Variants in CALD1 observed in about 807,000 individuals in gnomAD.
CALD1 encodes the protein caldesmon 1.
In CALD1, 33 loss-of-function variants were observed where a neutral mutation model predicts 99.9. That is an observed-to-expected ratio of 0.33 (90% CI 0.25 to 0.44). CALD1 has a LOEUF of 0.44. Among genes scored for constraint, CALD1 ranks in the 20% least tolerant of loss-of-function variants. CALD1 has a pLI of 1.00. For synonymous variants in CALD1, 310 were observed against 325.0 expected (o/e 0.95, Z 0.50); for missense variants, 861 against 962.1 (o/e 0.89, Z 1.39).
At chr7:134,941,048 G>T (rs753471853) in intron 6 of CALD1, 44 bp from the exon 7 acceptor site, 1 of 1,537,396 alleles carries the variant, frequency 6.5e-7, no homozygotes, top group East Asian at 2.3e-5. Context: ...AACCTAATAA[G>T]ATTTTTCTTG....
At chr7:134,941,261 A>G (rs773033303) in intron 7 of CALD1, 24 bp downstream of exon 7, 13 of 1,559,202 alleles carry the variant, frequency 8.3e-6, no homozygotes, top group African/African-American at 4.2e-5. Flanking sequence ...ACTAGTTAAT[A>G]GAAACTGTGT....
In CALD1 at chr7:134,933,554, A is replaced by T; in HGVS notation, c.785A>T (p.Lys262Met). ...CATGAAAAGATGGAAGAGGAAGACAAGGAAAGAGCTGAGGCAGAGAGGGCA... is the reference window on the plus strand; with the variant it reads ...CATGAAAAGATGGAAGAGGAAGACATGGAAAGAGCTGAGGCAGAGAGGGCA... ...SHHEKMEEED[K>M]ERAEAERARL... The change falls in exon 5 of 15, where the codon AAG (lysine) becomes ATG (methionine). Residue 262 changes from lysine (K) to methionine (M), a missense_variant. This residue lies in a region of CALD1 where 234 missense variants were observed against 233.1 expected (regional missense o/e 1.00). Coordinates refer to ENST00000361675, the MANE Select transcript of CALD1 (RefSeq NM_033138.4). 1 of 1,613,784 alleles carries T rather than the reference A, an allele frequency of 6.2e-7. No individual in the cohort carries two copies. The highest frequency in any genetic ancestry group is 8.5e-7 in the Non-Finnish European group (1 of 1,179,856).
intron 1 of CALD1, among the ~76,000 whole-genome samples, chr7:134,759,839 A>G (rs1796761199): frequency 6.6e-6 from 1 of 152,250 alleles, no homozygotes; most frequent in South Asian, 2.1e-4. Flanking sequence ...ACAAGTAATC[A>G]AATTGAATAT....
At position 134,935,705 on chromosome 7, in the gene CALD1, TA is replaced by T; in HGVS notation, c.1329del (p.Val444CysfsTer56). 1 of 1,605,560 alleles carries T rather than the reference TA, an allele frequency of 6.2e-7. No individual in the cohort carries two copies. Among genetic ancestry groups the T allele is most frequent in the Non-Finnish European group, 8.5e-7 (1 of 1,176,498 alleles). ...LKKQGEEKGT[K>X]VQAKREKLQE... The stretch of plus-strand genomic sequence containing the variant: ...ATAAAAAGGGAGAAGAGAAGGGAAC[TA>T]AAGTGCAAGCTAAAAGAGAAAAGCT... On this transcript the variant is annotated frameshift_variant, in exon 6 of 15. Transcript: ENST00000361675. LOFTEE classifies it high-confidence loss of function.
chr7:134,823,294 T>C (rs1737289889), intron 1 of CALD1, among the ~76,000 whole-genome samples: 1 of 152,190 alleles, frequency 6.6e-6, no homozygotes, highest in African/African-American at 2.4e-5. Context: ...AACATCTGCG[T>C]GAAAAGTAAA....
At chr7:134,756,317 TA>T (rs1288641005) in intron 1 of CALD1, among the ~76,000 whole-genome samples, 2 of 140,176 alleles carry the variant, frequency 1.4e-5, no homozygotes, top group South Asian at 2.4e-4. Context: ...AACCTAAAAC[TA>T]AAAAATTCAA....
At chr7:134,753,035 A>C (rs1432737897) in intron 1 of CALD1, among the ~76,000 whole-genome samples, 4 of 26,660 alleles carry the variant, frequency 1.5e-4, no homozygotes, top group African/African-American at 6.9e-4. Flanking sequence ...AAAAAAAACA[A>C]AAAAAAAAAA....
At chr7:134,718,904 G>A in the CALD1 span, among the ~76,000 whole-genome samples, 4 of 152,160 alleles carry the variant, frequency 2.6e-5, no homozygotes, top group Non-Finnish European at 5.9e-5. Flanking sequence ...AATAACACTT[G>A]CCAAATAAAT....
At chr7:134,898,900 G>GTT (rs1347606657) in intron 3 of CALD1, among the ~76,000 whole-genome samples, 1 of 152,152 alleles carries the variant, frequency 6.6e-6, no homozygotes, top group African/African-American at 2.4e-5. Context: ...TGGTTGTTGG[G>GTT]TTTTTAAGTC....
intron 1 of CALD1, among the ~76,000 whole-genome samples, chr7:134,832,983 C>T (rs1318821806): frequency 1.3e-5 from 2 of 152,174 alleles, no homozygotes; most frequent in Admixed American, 6.5e-5. Flanking sequence ...TGTCTCTGGA[C>T]AGTATGTTTT....
chr7:134,924,134 G>C (rs755471314), intron 3 of CALD1, among the ~76,000 whole-genome samples: 1 of 152,112 alleles, frequency 6.6e-6, no homozygotes, highest in Non-Finnish European at 1.5e-5. Context: ...TTAAAGAAAT[G>C]GTTTGTGAAA....
intron 3 of CALD1, among the ~76,000 whole-genome samples, chr7:134,907,133 A>C (rs528340521): frequency 1.3e-5 from 2 of 152,254 alleles, no homozygotes; most frequent in South Asian, 4.2e-4. Context: ...GATGGACCTG[A>C]GTTCCTGAGT....
At chr7:134,772,852 T>A (rs1292362738) in intron 1 of CALD1, among the ~76,000 whole-genome samples, 1 of 152,252 alleles carries the variant, frequency 6.6e-6, no homozygotes, top group African/African-American at 2.4e-5. Context: ...AATGGTTGTT[T>A]CTTAATGAGC....
upstream of CALD1, among the ~76,000 whole-genome samples, chr7:134,740,022 T>C (rs1191672278): frequency 6.6e-6 from 1 of 152,182 alleles, no homozygotes; most frequent in Admixed American, 6.5e-5. Flanking sequence ...TCAGATAAAA[T>C]AATCTTCAAG....
chr7:134,773,498 TC>T (rs1447818954), intron 1 of CALD1, among the ~76,000 whole-genome samples: 2 of 152,096 alleles, frequency 1.3e-5, no homozygotes, highest in Non-Finnish European at 2.9e-5. Flanking sequence ...GGTCTTGAAC[TC>T]CTAGGCTCCT....
intron 1 of CALD1, among the ~76,000 whole-genome samples, chr7:134,760,404 A>G (rs1796767456): frequency 1.3e-5 from 2 of 152,222 alleles, no homozygotes; most frequent in African/African-American, 2.4e-5. Context: ...ATAGTATTGG[A>G]ATATGTGACA....
chr7:134,943,898 G>T (rs1806650306), intron 7 of CALD1, among the ~76,000 whole-genome samples: 2 of 152,170 alleles, frequency 1.3e-5, no homozygotes, highest in South Asian at 4.1e-4. Flanking sequence ...TATAATTAAT[G>T]ATATTAGATT....
At chr7:134,961,301 T>C (rs1406798103) in intron 13 of CALD1, 2 of 152,222 alleles carry the variant, frequency 1.3e-5, no homozygotes, top group Non-Finnish European at 2.9e-5. Flanking sequence ...ATTGCTTGCA[T>C]TTGTCATTAT....
At chr7:134,797,619 A>T (rs6976764) in intron 1 of CALD1, among the ~76,000 whole-genome samples, 3 of 152,114 alleles carry the variant, frequency 2.0e-5, no homozygotes, top group Admixed American at 6.5e-5. Context: ...TTTGAGACGG[A>T]GTCTTGCTCT....
Sources: gnomAD v4.1 joint callset for allele counts (sites outside exome capture counted in the v4.1 genomes callset) on GRCh38, gnomAD v4.1.1 for gene constraint, gnomAD v4.1.1 regional missense constraint, MANE v1.5 for transcripts, NCBI Gene and HGNC (gene_info 2026-07-23, HGNC 2026-07-21) for gene names.